Variants in LSM8 observed in about 807,000 individuals in gnomAD.
The protein encoded by LSM8 is LSM8 homolog, U6 small nuclear RNA associated.
In LSM8, 14 loss-of-function variants were observed where a neutral mutation model predicts 15.0. The ratio of observed to expected loss-of-function variants is 0.93; its 90% CI spans 0.62 to 1.46. The LOEUF (loss-of-function observed/expected upper bound fraction) is 1.46, where lower values mean the gene tolerates loss of function less well. Among genes scored for constraint, LSM8 ranks in the 40% most tolerant of loss-of-function variants. The pLI is 0.00. For missense variants in LSM8, 90 were observed against 115.4 expected, an observed-to-expected ratio of 0.78 and a Z score of 1.01; for synonymous variants, 50 against 42.1, an observed-to-expected ratio of 1.19 and a Z score of -0.73.
rs759157305 is a variant in LSM8, at chr7:118,185,655, A to G, written c.33A>G (p.Arg11=). The change falls in exon 2 of 4, where the codon CGA becomes CGG. Residue 11 remains arginine (R), a splice_region_variant and synonymous_variant. Coordinates refer to ENST00000249299, the MANE Select transcript of LSM8 (RefSeq NM_016200.5). MTSALENYIN[R]TVAVITSDGR... Reference sequence around the variant, plus strand: ...CACTTTCTTTGATTCAGTTATCAGGAACTGTTGCCGTTATTACATCAGATG... The same window carrying G: ...CACTTTCTTTGATTCAGTTATCAGGGACTGTTGCCGTTATTACATCAGATG... 1.9e-6 allele frequency: 3 copies of G among 1,609,350 alleles called. No homozygotes were observed. The highest frequency in any genetic ancestry group is 1.3e-5 in the African/African-American group (1 of 74,848).
rs193267467 is a variant in LSM8, at chr7:118,201,553, T to C, written c.*9551T>C. Among the ~76,000 whole-genome samples, 150 of 152,254 alleles carry C rather than the reference T, an allele frequency of 9.9e-4. No homozygotes were observed. The highest frequency in any genetic ancestry group is 3.2e-3 in the African/African-American group (133 of 41,572). On this transcript the variant is annotated 3_prime_UTR_variant, in exon 4 of 4. Transcript: ENST00000249299. Reference sequence around the variant, plus strand: ...AATATTTATTATTTTGCATTAAATATCAGTAAGTTTGATATAAAAAGCTCA... The same window carrying C: ...AATATTTATTATTTTGCATTAAATACCAGTAAGTTTGATATAAAAAGCTCA...
rs1339085684 is a variant in LSM8, at chr7:118,198,793, C to G, written c.*6791C>G. On this transcript the variant is annotated 3_prime_UTR_variant, in exon 4 of 4. Coordinates refer to ENST00000249299, the MANE Select transcript of LSM8 (RefSeq NM_016200.5). ...GAAAGGACCTGTCCTTCACCAGTTC[C>G]TGGAAGAAAATCTCTTGAGTCCTTG... Among the ~76,000 whole-genome samples the G allele has an allele frequency of 6.6e-6, 1 of 152,136 alleles. No homozygotes were observed. Among genetic ancestry groups the G allele is most frequent in the African/African-American group, 2.4e-5 (1 of 41,418 alleles).
rs1362218848 is a variant in LSM8, at chr7:118,198,284, T to C, written c.*6282T>C. ...TGAAAAGATAAATGAGAAATGAGAA[T>C]ATGCCAGAGATCTGAAATGAAGAAT... On this transcript the variant is annotated 3_prime_UTR_variant, in exon 4 of 4. Transcript: ENST00000249299. Among the ~76,000 whole-genome samples, 1 of 152,100 alleles carries C rather than the reference T, an allele frequency of 6.6e-6. No homozygotes were observed. Among genetic ancestry groups the C allele is most frequent in the Non-Finnish European group, 1.5e-5 (1 of 68,012 alleles).
In LSM8 at chr7:118,203,718, T is replaced by C. The variant is rs1261529076; in HGVS notation, c.*11716T>C. Among the ~76,000 whole-genome samples the C allele has an allele frequency of 1.3e-5, 2 of 151,886 alleles. No individual in the cohort carries two copies. The highest frequency in any genetic ancestry group is 2.9e-5 in the Non-Finnish European group (2 of 67,814). ...ATCATCAAGATTCTCTTCCTTTTTA[T>C]GATTCTATAGTAACAGTTTAGTTGA... On this transcript the variant is annotated 3_prime_UTR_variant, in exon 4 of 4. Transcript: ENST00000249299.
Position 118,193,361 on chromosome 7 carries a change from C to G in LSM8, c.*1359C>G, listed in dbSNP as rs1256354618. On this transcript the variant is annotated 3_prime_UTR_variant, in exon 4 of 4. Transcript: ENST00000249299. Reference sequence around the variant, plus strand: ...AAAAAATGAACAATTTGTATAAATTCTGGAATAGATCCTTATAGAGAGTTT... The same window carrying G: ...AAAAAATGAACAATTTGTATAAATTGTGGAATAGATCCTTATAGAGAGTTT... 1.3e-5 allele frequency among the ~76,000 whole-genome samples: 2 copies of G among 152,060 alleles called. No homozygotes were observed. Among genetic ancestry groups the G allele is most frequent in the African/African-American group, 4.8e-5 (2 of 41,420 alleles).
chr7:118,186,149 A>G (rs1280672577), intron 2 of LSM8, among the ~76,000 whole-genome samples: 3 of 152,032 alleles, frequency 2.0e-5, no homozygotes, highest in Non-Finnish European at 4.4e-5. Flanking sequence ...TGTAGGACAC[A>G]TTATGATGAT....
chr7:118,184,722 CTTG>C (rs1184451015), intron 1 of LSM8: 1 of 152,798 alleles, frequency 6.5e-6, no homozygotes, highest in East Asian at 1.9e-4. Flanking sequence ...GAAGTCCCAA[CTTG>C]TTGGTAGAAT....
At chr7:118,188,620 C>G (rs1220100104) in intron 3 of LSM8, 1 of 366,354 alleles carries the variant, frequency 2.7e-6, no homozygotes, top group Non-Finnish European at 4.8e-6. Context: ...CCAAAGCTGT[C>G]TCTCTACAAA....
intron 3 of LSM8, chr7:118,191,207 T>C (rs1808975337): frequency 6.6e-6 from 1 of 152,168 alleles, no homozygotes; most frequent in Non-Finnish European, 1.5e-5. Flanking sequence ...GTGGTCTGAG[T>C]GATAACATTG....
rs1241382803 is a variant in LSM8, at chr7:118,200,221, T to A, written c.*8219T>A. 6.6e-6 allele frequency among the ~76,000 whole-genome samples: 1 copy of A among 152,120 alleles called. No individual in the cohort carries two copies. The highest frequency in any genetic ancestry group is 1.5e-5 in the Non-Finnish European group (1 of 67,986). On this transcript the variant is annotated 3_prime_UTR_variant, in exon 4 of 4. Transcript: ENST00000249299. Reference sequence around the variant, plus strand: ...AGGGACTAGGTATCCAAGTGCACATTATATTGGCTTTGTAGAGCCATTGGA... The same window carrying A: ...AGGGACTAGGTATCCAAGTGCACATAATATTGGCTTTGTAGAGCCATTGGA...
intron 2 of LSM8, 53 bp from the exon 3 acceptor site, chr7:118,188,225 C>T: frequency 6.3e-7 from 1 of 1,590,334 alleles, no homozygotes; most frequent in Non-Finnish European, 8.6e-7. Context: ...TAAATTTACA[C>T]TTTCAGGTAA....
At chr7:118,187,384 C>G (rs557429167) in intron 2 of LSM8, among the ~76,000 whole-genome samples, 6 of 152,196 alleles carry the variant, frequency 3.9e-5, no homozygotes, top group African/African-American at 1.4e-4. Flanking sequence ...TTTCATAAAA[C>G]TCTCCCTGAT....
At chr7:118,185,445 T>A (rs1355171340) in intron 1 of LSM8, 4 of 530,538 alleles carry the variant, frequency 7.5e-6, no homozygotes, top group Non-Finnish European at 1.3e-5. Context: ...GGGGTATCGC[T>A]GTGTTGCCCA....
chr7:118,189,519 G>A (rs1808941384), intron 3 of LSM8: 1 of 152,442 alleles, frequency 6.6e-6, no homozygotes, highest in Non-Finnish European at 1.5e-5. Flanking sequence ...CTGCATTCCA[G>A]CCTGGGCAAC....
chr7:118,197,572 G>A lies in LSM8; in HGVS notation c.*5570G>A, dbSNP rs1809102706. ...TAAATGCCCTGAAAGTGATCACAATGATAGTTAAAAGTTAAATTTTTTATT... is the reference window on the plus strand; with the variant it reads ...TAAATGCCCTGAAAGTGATCACAATAATAGTTAAAAGTTAAATTTTTTATT... On this transcript the variant is annotated 3_prime_UTR_variant, in exon 4 of 4. Coordinates refer to ENST00000249299, the MANE Select transcript of LSM8 (RefSeq NM_016200.5). Among the ~76,000 whole-genome samples the A allele has an allele frequency of 6.6e-6, 1 of 152,062 alleles. No individual in the cohort carries two copies. The highest frequency in any genetic ancestry group is 2.1e-4 in the South Asian group (1 of 4,824).
At chr7:118,188,560 A>G (rs1280319492) in intron 3 of LSM8, 155 bp downstream of exon 3, 5 of 639,028 alleles carry the variant, frequency 7.8e-6, no homozygotes, top group Non-Finnish European at 1.2e-5. Context: ...ATGTTTGTGT[A>G]AAATAAGGCA....
In LSM8 at chr7:118,199,836, T is replaced by G. The variant is rs1016764923; in HGVS notation, c.*7834T>G. 1.3e-5 allele frequency among the ~76,000 whole-genome samples: 2 copies of G among 152,112 alleles called. No homozygotes were observed. The highest frequency in any genetic ancestry group is 2.9e-5 in the Non-Finnish European group (2 of 68,000). On this transcript the variant is annotated 3_prime_UTR_variant, in exon 4 of 4. Transcript: ENST00000249299. ...GATATGAGAGCCCATAGGAGAGACA[T>G]CTAAAGTTTAATAGCAACACTAGGC...
rs1809174516 is a variant in LSM8 at position 118,201,564 on chromosome 7, G to A, written c.*9562G>A. ...TTTTGCATTAAATATCAGTAAGTTT[G>A]ATATAAAAAGCTCAGTAAAATTCAT... is the stretch of plus-strand genomic sequence containing the variant. On this transcript the variant is annotated 3_prime_UTR_variant, in exon 4 of 4. Coordinates refer to ENST00000249299, the MANE Select transcript of LSM8 (RefSeq NM_016200.5). 2.6e-5 allele frequency among the ~76,000 whole-genome samples: 4 copies of A among 152,022 alleles called. No homozygotes were observed. The South Asian group carries it at 8.3e-4, about 31-fold the overall frequency.
In LSM8 at chr7:118,200,214, T is replaced by A. The variant is rs1190434812; in HGVS notation, c.*8212T>A. 6.6e-6 allele frequency among the ~76,000 whole-genome samples: 1 copy of A among 152,142 alleles called. No individual in the cohort carries two copies. The highest frequency in any genetic ancestry group is 1.5e-5 in the Non-Finnish European group (1 of 68,012). ...AGCCATGAGGGACTAGGTATCCAAG[T>A]GCACATTATATTGGCTTTGTAGAGC... is the stretch of plus-strand genomic sequence containing the variant. On this transcript the variant is annotated 3_prime_UTR_variant, in exon 4 of 4. Coordinates refer to ENST00000249299, the MANE Select transcript of LSM8 (RefSeq NM_016200.5).
Sources: gnomAD v4.1 joint callset for allele counts (sites outside exome capture counted in the v4.1 genomes callset) on GRCh38, gnomAD v4.1.1 for gene constraint, MANE v1.5 for transcripts, NCBI Gene and HGNC (gene_info 2026-07-23, HGNC 2026-07-21) for gene names.